Variants in FAAH2 observed in about 807,000 individuals in gnomAD.
FAAH2 encodes the protein fatty acid amide hydrolase 2.
Under a neutral mutation model 36.9 loss-of-function variants are expected in FAAH2, and 60 were observed. That is an observed-to-expected ratio of 1.63 (90% CI 1.32 to 2.02). FAAH2 has a LOEUF of 2.02. Ranked by LOEUF, FAAH2 falls within the 30% of genes most tolerant of loss-of-function variation. The pLI is 0.00. For synonymous variants in FAAH2, 214 were observed against 143.8 expected, an observed-to-expected ratio of 1.49 and a Z score of -3.49; for missense variants, 689 against 397.5, an observed-to-expected ratio of 1.73 and a Z score of -6.23.
At chrX:57,135,890 G>A in the FAAH2 span, 9 of 1,207,548 alleles carry the variant, frequency 7.5e-6, no homozygotes, top group African/African-American at 1.4e-4. Flanking sequence ...AATACACAGA[G>A]GGTTTGGTTT....
At chrX:57,302,432 A>G (rs766812838) in intron 2 of FAAH2, among the ~76,000 whole-genome samples, 1 of 111,863 alleles carries the variant, frequency 8.9e-6, no homozygotes, top group South Asian at 3.8e-4. Context: ...AGATATAAAG[A>G]TAAACACAAC....
intron 3 of FAAH2, among the ~76,000 whole-genome samples, chrX:57,324,176 C>T (rs186467457): frequency 9.0e-6 from 1 of 111,445 alleles, no homozygotes; most frequent in African/African-American, 3.3e-5. Context: ...TTTCTGAGGG[C>T]TCTGTTCTGT....
At chrX:57,263,566 G>T in the FAAH2 span, among the ~76,000 whole-genome samples, 24 of 111,681 alleles carry the variant, frequency 2.1e-4, no homozygotes, top group African/African-American at 7.8e-4. Flanking sequence ...ACTTTTGCAA[G>T]ATTTTTTATA....
In FAAH2 at chrX:57,352,645, C is replaced by T. The variant is rs185210845; in HGVS notation, c.742+11255C>T. The stretch of plus-strand genomic sequence containing the variant: ...GCAACAGCAATAAATAAAAGACATC[C>T]AATTAGAAAAAGACGAAGTTAAATA... On this transcript the variant is annotated intron_variant, in intron 5 of 10. Coordinates refer to ENST00000374900, the MANE Select transcript of FAAH2 (RefSeq NM_174912.4). 4.0e-3 allele frequency among the ~76,000 whole-genome samples: 438 copies of T among 110,733 alleles called. 3 individuals are homozygous for T. Among genetic ancestry groups the T allele is most frequent in the Non-Finnish European group, 6.5e-3 (339 of 52,492 alleles).
intron 10 of FAAH2, chrX:57,452,125 C>T (rs2056795770): frequency 4.0e-6 from 3 of 749,917 alleles, no homozygotes; most frequent in African/African-American, 4.6e-5. Flanking sequence ...CCTCTCCCCA[C>T]TTTAGGTGTC....
intron 7 of FAAH2, chrX:57,381,641 T>C (rs1311428289): frequency 3.4e-6 from 1 of 298,171 alleles, no homozygotes; most frequent in Non-Finnish European, 4.5e-6. Context: ...CCTAAATATA[T>C]ATGCACCCAA....
chrX:57,357,189 T>G (rs989979571), intron 5 of FAAH2, among the ~76,000 whole-genome samples: 8 of 73,725 alleles, frequency 1.1e-4, no homozygotes, highest in African/African-American at 2.7e-4. Flanking sequence ...TAACTCAGGA[T>G]GGATTAAAGA....
chrX:57,376,651 A>G (rs1010706734), intron 5 of FAAH2, among the ~76,000 whole-genome samples: 5 of 111,542 alleles, frequency 4.5e-5, no homozygotes, highest in Admixed American at 2.9e-4. Flanking sequence ...ATGCGTTATA[A>G]TTCTTTGGGT....
chrX:57,164,001 C>G, the FAAH2 span, among the ~76,000 whole-genome samples: 1 of 112,180 alleles, frequency 8.9e-6, no homozygotes, highest in Non-Finnish European at 1.9e-5. Flanking sequence ...CTATCTGAGC[C>G]TGAAACTTGT....
At chrX:57,404,862 C>A (rs1296211030) in intron 7 of FAAH2, among the ~76,000 whole-genome samples, 1 of 112,201 alleles carries the variant, frequency 8.9e-6, no homozygotes, top group Admixed American at 9.4e-5. Context: ...GTAGAGACTT[C>A]TGGCTGCACC....
At chrX:57,408,222 T>A (rs1417682379) in intron 7 of FAAH2, among the ~76,000 whole-genome samples, 1 of 111,112 alleles carries the variant, frequency 9.0e-6, no homozygotes, top group African/African-American at 3.3e-5. Context: ...TGATAGCAAA[T>A]GCATTGAGTC....
the FAAH2 span, among the ~76,000 whole-genome samples, chrX:57,222,848 A>T: frequency 9.0e-6 from 1 of 110,894 alleles, no homozygotes; most frequent in African/African-American, 3.3e-5. Context: ...TGCCCCCTTT[A>T]CTTAGTTTGT....
intron 10 of FAAH2, among the ~76,000 whole-genome samples, chrX:57,480,169 A>G (rs973592313): frequency 1.8e-5 from 2 of 111,484 alleles, no homozygotes; most frequent in African/African-American, 6.5e-5. Context: ...TCACAGCCGA[A>G]TTCTACCAGA....
At chrX:57,438,430 A>G (rs1014920436) in intron 8 of FAAH2, among the ~76,000 whole-genome samples, 2 of 107,840 alleles carry the variant, frequency 1.9e-5, no homozygotes, top group Non-Finnish European at 3.8e-5. Flanking sequence ...ATGAAAGAAA[A>G]AGTAGATGAC....
intron 7 of FAAH2, among the ~76,000 whole-genome samples, chrX:57,427,054 G>A (rs1485555868): frequency 9.0e-6 from 1 of 111,038 alleles, no homozygotes; most frequent in Admixed American, 9.6e-5. Context: ...AAATGAAAAA[G>A]GAGGCATTAT....
At chrX:57,205,654 A>C in the FAAH2 span, among the ~76,000 whole-genome samples, 2 of 112,253 alleles carry the variant, frequency 1.8e-5, no homozygotes, top group African/African-American at 6.5e-5. Context: ...CCAGAATAAG[A>C]AGCTTTACCA....
intron 10 of FAAH2, among the ~76,000 whole-genome samples, chrX:57,487,732 T>A (rs1315538268): frequency 8.9e-6 from 1 of 112,182 alleles, no homozygotes; most frequent in African/African-American, 3.2e-5. Context: ...AAATGTTAAA[T>A]GTAAATTTGT....
chrX:57,216,515 TATAC>T, the FAAH2 span, among the ~76,000 whole-genome samples: 301 of 82,074 alleles, frequency 3.7e-3, 26 homozygotes, highest in African/African-American at 0.018. Context: ...TATATATATA[TATAC>T]GTATATGTAT....
chrX:57,441,047 A>T, intron 8 of FAAH2, among the ~76,000 whole-genome samples: 1 of 111,584 alleles, frequency 9.0e-6, no homozygotes, highest in East Asian at 2.8e-4. Flanking sequence ...CATTAGAGAT[A>T]CTGGTCTAAA....
Sources: gnomAD v4.1 joint callset for allele counts (sites outside exome capture counted in the v4.1 genomes callset) on GRCh38, gnomAD v4.1.1 for gene constraint, MANE v1.5 for transcripts, NCBI Gene and HGNC (gene_info 2026-07-23, HGNC 2026-07-21) for gene names.